The following TPO variants were observed in gnomAD, a reference collection of about 807,000 sequenced individuals.
TPO encodes the protein thyroid microsomal antigen.
A neutral mutation model predicts 96.9 loss-of-function variants in TPO; 78 were observed. The observed-to-expected ratio is 0.81, with a 90% confidence interval of 0.67 to 0.97. The LOEUF (loss-of-function observed/expected upper bound fraction) is 0.97, where lower values mean the gene tolerates loss of function less well. Ranked by LOEUF, TPO falls within the 50% of genes least tolerant of loss-of-function variation. The pLI, the probability that TPO is intolerant of heterozygous loss-of-function variation, is 0.00. For synonymous variants in TPO, 547 were observed against 538.0 expected (o/e 1.02, Z -0.23); for missense variants, 1,252 against 1,274.8 (o/e 0.98, Z 0.27).
At chr2:1,422,834 CAG>C (rs1416510852) in intron 2 of TPO, among the ~76,000 whole-genome samples, 1 of 152,194 alleles carries the variant, frequency 6.6e-6, no homozygotes, top group East Asian at 1.9e-4. Flanking sequence ...TCCCATCCTC[CAG>C]GCAGCTCCGT....
In TPO at chr2:1,542,488, G is replaced by A. The variant is rs376740227; in HGVS notation, c.*14G>A. On this transcript the variant is annotated 3_prime_UTR_variant, in exon 17 of 17. Transcript: ENST00000329066. ...AGAGCCCTCTGAGGGCAAAGTGGCA[G>A]GACACTGCAGAACAGCTTCATGTTC... The A allele has an allele frequency of 8.1e-6, 13 of 1,613,974 alleles. No individual in the cohort carries two copies. Among genetic ancestry groups the A allele is most frequent in the African/African-American group, 1.3e-5 (1 of 74,934 alleles).
chr2:1,515,786 C>T (rs1325339513), intron 14 of TPO, among the ~76,000 whole-genome samples: 1 of 152,124 alleles, frequency 6.6e-6, no homozygotes, highest in African/African-American at 2.4e-5. Context: ...AAACCAAGCA[C>T]CCATTCCCCC....
rs144048646 is a variant in TPO at position 1,516,411 on chromosome 2, A to T, written c.2519-472A>T. Among the ~76,000 whole-genome samples the T allele has an allele frequency of 3.2e-3, 484 of 152,262 alleles. 1 individual carries two copies. The highest frequency in any genetic ancestry group is 6.7e-3 in the Admixed American group (102 of 15,302). On this transcript the variant is annotated intron_variant, in intron 14 of 16. Coordinates refer to ENST00000329066, the MANE Select transcript of TPO (RefSeq NM_001206744.2). ...CTTCAACCACGGTTTCACCTCCAGGAGGCTTCTGGGAAAGATAAAATGCAG... is the reference window on the plus strand; with the variant it reads ...CTTCAACCACGGTTTCACCTCCAGGTGGCTTCTGGGAAAGATAAAATGCAG...
At chr2:1,395,190 C>T (rs1423582470) in intron 1 of TPO, among the ~76,000 whole-genome samples, 1 of 152,106 alleles carries the variant, frequency 6.6e-6, no homozygotes, top group Non-Finnish European at 1.5e-5. Flanking sequence ...CCCAGGTGTG[C>T]CCTTGGAAGG....
rs561178844 is a variant in TPO, at chr2:1,385,650, C to CA, written n.180+11258dup. On this transcript the variant is annotated intron_variant and non_coding_transcript_variant, in intron 1 of 5. Transcript: ENST00000497517. Reference sequence around the variant, plus strand: ...GGTCTATCAATTTTGTTGATCTTTTCAAAAAAAAAACCAGCTCCTGGATTA... The same window carrying CA: ...GGTCTATCAATTTTGTTGATCTTTTCAAAAAAAAAAACCAGCTCCTGGATTA... 1.0e-2 allele frequency among the ~76,000 whole-genome samples: 1,459 copies of CA among 145,974 alleles called. 23 individuals are homozygous for CA. The highest frequency in any genetic ancestry group is 0.032 in the African/African-American group (1,282 of 40,026).
At chr2:1,480,891 A>T (rs1053828362) in intron 8 of TPO, among the ~76,000 whole-genome samples, 1 of 78,196 alleles carries the variant, frequency 1.3e-5, no homozygotes, top group African/African-American at 4.0e-5. Context: ...AGCCGCCCCC[A>T]CTCTGAGGAT....
intron 3 of TPO, among the ~76,000 whole-genome samples, chr2:1,428,850 T>G (rs1213767562): frequency 6.6e-6 from 1 of 152,088 alleles, no homozygotes; most frequent in Non-Finnish European, 1.5e-5. Context: ...CCTGCACAGG[T>G]GCTTACACTC....
intron 1 of TPO, among the ~76,000 whole-genome samples, chr2:1,379,220 G>A (rs576689540): frequency 5.3e-4 from 80 of 152,160 alleles, no homozygotes; most frequent in South Asian, 1.5e-3. Context: ...CAGGAGAATC[G>A]CTTGAACCCA....
chr2:1,496,865 C>A, intron 13 of TPO, 100 bp downstream of exon 13: 1 of 1,558,332 alleles, frequency 6.4e-7, no homozygotes, highest in South Asian at 1.1e-5. Flanking sequence ...AAAGGTGCTT[C>A]TGAAACTGTT....
chr2:1,377,488 C>T (rs1203464580), intron 1 of TPO, among the ~76,000 whole-genome samples: 2 of 152,154 alleles, frequency 1.3e-5, no homozygotes, highest in African/African-American at 4.8e-5. Flanking sequence ...AGGAGCCAGG[C>T]TTCTCTGTTT....
chr2:1,408,398 G>A (rs1043392735), intron 1 of TPO, among the ~76,000 whole-genome samples: 5 of 152,170 alleles, frequency 3.3e-5, no homozygotes, highest in African/African-American at 4.8e-5. Context: ...CTGTTTTCAC[G>A]TGGGGAGAGC....
At chr2:1,459,871 C>A (rs1268233476) in intron 7 of TPO, among the ~76,000 whole-genome samples, 1 of 152,116 alleles carries the variant, frequency 6.6e-6, no homozygotes, top group Admixed American at 6.5e-5. Flanking sequence ...CTCTTCTCTG[C>A]AGAGCCCCCT....
At chr2:1,492,649 C>G (rs1018838871) in intron 10 of TPO, among the ~76,000 whole-genome samples, 2 of 152,186 alleles carry the variant, frequency 1.3e-5, no homozygotes, top group Non-Finnish European at 2.9e-5. Flanking sequence ...ACATGAGACA[C>G]CAAGAGGCCC....
At chr2:1,537,264 C>A (rs1189683867) in intron 15 of TPO, among the ~76,000 whole-genome samples, 2 of 110,486 alleles carry the variant, frequency 1.8e-5, no homozygotes, top group African/African-American at 3.7e-5. Flanking sequence ...AATCCCCCCA[C>A]TGTGTGCAAC....
intron 13 of TPO, among the ~76,000 whole-genome samples, chr2:1,499,210 G>C (rs192485124): frequency 5.9e-5 from 9 of 152,046 alleles, no homozygotes; most frequent in East Asian, 3.9e-4. Context: ...CCCTGTGCGC[G>C]TGCCCTCTGA....
intron 8 of TPO, among the ~76,000 whole-genome samples, chr2:1,481,738 TTCC>T (rs1670660552): frequency 6.6e-6 from 1 of 152,220 alleles, no homozygotes; most frequent in African/African-American, 2.4e-5. Flanking sequence ...GAAAGGGCCG[TTCC>T]TGCAGTGGGT....
chr2:1,490,774 A>T (rs1411588280), intron 10 of TPO, among the ~76,000 whole-genome samples: 1 of 152,188 alleles, frequency 6.6e-6, no homozygotes, highest in East Asian at 1.9e-4. Flanking sequence ...TAAAAGAGAA[A>T]CGCTCATGTC....
At chr2:1,472,199 T>G (rs981748041) in intron 7 of TPO, among the ~76,000 whole-genome samples, 1 of 151,950 alleles carries the variant, frequency 6.6e-6, no homozygotes, top group Admixed American at 6.6e-5. Context: ...TGAATGCTCA[T>G]GGCGTGCCCC....
intron 15 of TPO, 66 bp from the exon 16 acceptor site, chr2:1,540,528 G>A: frequency 6.2e-7 from 1 of 1,604,774 alleles, no homozygotes. Flanking sequence ...CTCGTGCCGT[G>A]CTCTCTACCC....
Sources: allele counts gnomAD v4.1 joint callset (sites outside exome capture counted in the v4.1 genomes callset), GRCh38; gene constraint gnomAD v4.1.1; transcripts MANE v1.5; gene names NCBI Gene and HGNC (gene_info 2026-07-23, HGNC 2026-07-21).